The following NUP205 variants were observed in gnomAD, a reference collection of about 807,000 sequenced individuals.
The protein encoded by NUP205 is nuclear pore complex protein Nup205.
In NUP205, 76 loss-of-function variants were observed where a neutral mutation model predicts 253.8. That is an observed-to-expected ratio of 0.30 (90% confidence interval 0.25 to 0.36). The LOEUF (loss-of-function observed/expected upper bound fraction) is 0.36. NUP205 is among the 10% of genes least tolerant of loss of function. The probability of loss-of-function intolerance (pLI) is 1.00; values close to 1 mark genes in which losing one functional copy is unlikely to be tolerated. For missense variants in NUP205, 2,162 were observed against 2,425.5 expected, an observed-to-expected ratio of 0.89 and a Z score of 2.28; for synonymous variants, 832 against 850.1, an observed-to-expected ratio of 0.98 and a Z score of 0.37.
chr7:135,595,380 C>T (rs182138131), intron 13 of NUP205, among the ~76,000 whole-genome samples: 26 of 152,054 alleles, frequency 1.7e-4, no homozygotes, highest in East Asian at 1.5e-3. Flanking sequence ...TGCATTACCA[C>T]GCCCAGCTAA....
intron 1 of NUP205, among the ~76,000 whole-genome samples, chr7:135,561,615 C>T (rs13230575): frequency 0.091 from 13,903 of 152,214 alleles, 839 homozygotes; most frequent in Non-Finnish European, 0.14. Flanking sequence ...AAAATAGGAG[C>T]CAACATACAT....
At chr7:135,604,583 A>G (rs534109825) in intron 19 of NUP205, 123 bp downstream of exon 19, 3 of 944,598 alleles carry the variant, frequency 3.2e-6, no homozygotes, top group South Asian at 1.7e-5. Flanking sequence ...AAGAGTAAGT[A>G]TATTTGTATA....
At chr7:135,634,363 T>C (rs1794770411) in intron 35 of NUP205, among the ~76,000 whole-genome samples, 1 of 152,182 alleles carries the variant, frequency 6.6e-6, no homozygotes, top group South Asian at 2.1e-4. Flanking sequence ...GCAGTTGACA[T>C]GCAGGGGAAA....
intron 13 of NUP205, among the ~76,000 whole-genome samples, chr7:135,596,457 T>C (rs1793836473): frequency 6.6e-6 from 1 of 152,218 alleles, no homozygotes; most frequent in African/African-American, 2.4e-5. Flanking sequence ...CAAATGTGAT[T>C]GGGTTTAGCC....
At chr7:135,617,057 A>T (rs752463060) in intron 25 of NUP205, 33 bp from the exon 26 acceptor site, 1 of 1,525,764 alleles carries the variant, frequency 6.6e-7, no homozygotes, top group African/African-American at 1.4e-5. Flanking sequence ...TCAATGTCCC[A>T]AGTAAAATCA....
intron 13 of NUP205, 71 bp from the exon 14 acceptor site, chr7:135,597,297 A>G (rs1584662081): frequency 2.7e-6 from 3 of 1,106,134 alleles, no homozygotes; most frequent in East Asian, 4.7e-5. Context: ...TGTGACTATT[A>G]TATTGCAAAG....
chr7:135,562,860 G>A (rs965913852), intron 1 of NUP205, among the ~76,000 whole-genome samples: 2 of 152,138 alleles, frequency 1.3e-5, no homozygotes, highest in South Asian at 2.1e-4. Flanking sequence ...ATTCTTTAAC[G>A]TGGGCAAGTG....
intron 38 of NUP205, among the ~76,000 whole-genome samples, chr7:135,641,199 A>G (rs11984203): frequency 0.19 from 28,643 of 152,190 alleles, 2,796 homozygotes; most frequent in East Asian, 0.25. Context: ...TTAGTATGGT[A>G]AGAATTCCTG....
intron 1 of NUP205, among the ~76,000 whole-genome samples, chr7:135,567,955 G>T (rs552997632): frequency 8.2e-4 from 125 of 152,304 alleles, no homozygotes; most frequent in Non-Finnish European, 8.2e-4. Flanking sequence ...GCCGGGCGCC[G>T]TGGCTCATGC....
chr7:135,563,164 C>T (rs1347340279), intron 1 of NUP205, among the ~76,000 whole-genome samples: 2 of 151,984 alleles, frequency 1.3e-5, no homozygotes, highest in Admixed American at 6.6e-5. Flanking sequence ...ATCCTGACCA[C>T]AGTTGGATTT....
intron 36 of NUP205, among the ~76,000 whole-genome samples, chr7:135,636,911 C>T (rs1225114944): frequency 6.6e-6 from 1 of 152,108 alleles, no homozygotes; most frequent in Non-Finnish European, 1.5e-5. Flanking sequence ...GGGGCTGAGG[C>T]ACAAGAATTA....
chr7:135,625,690 A>G (rs1347696307), intron 32 of NUP205, among the ~76,000 whole-genome samples: 1 of 152,192 alleles, frequency 6.6e-6, no homozygotes, highest in Non-Finnish European at 1.5e-5. Flanking sequence ...GAAAATTTCC[A>G]TGTAGATATG....
At chr7:135,616,324 G>A (rs1794357628) in intron 24 of NUP205, among the ~76,000 whole-genome samples, 1 of 152,108 alleles carries the variant, frequency 6.6e-6, no homozygotes, top group Non-Finnish European at 1.5e-5. Flanking sequence ...GAGCCAGCAT[G>A]ACCTAAGCTA....
intron 12 of NUP205, 38 bp from the exon 13 acceptor site, chr7:135,594,509 A>G (rs1231760313): frequency 9.9e-6 from 15 of 1,509,282 alleles, no homozygotes; most frequent in African/African-American, 1.4e-5. Context: ...ATAACTTTTA[A>G]AAATGGAAAG....
At chr7:135,624,874 G>A (rs1794552992) in intron 31 of NUP205, among the ~76,000 whole-genome samples, 1 of 152,084 alleles carries the variant, frequency 6.6e-6, no homozygotes. Context: ...TCTCTAACAA[G>A]CAATGTTAGA....
intron 22 of NUP205, among the ~76,000 whole-genome samples, chr7:135,612,846 A>G (rs901358833): frequency 6.6e-6 from 1 of 152,242 alleles, no homozygotes; most frequent in African/African-American, 2.4e-5. Context: ...ACAAGTAGTC[A>G]TAACAATTAT....
intron 7 of NUP205, among the ~76,000 whole-genome samples, chr7:135,582,032 T>C (rs999811295): frequency 6.6e-6 from 1 of 152,220 alleles, no homozygotes; most frequent in Non-Finnish European, 1.5e-5. Context: ...ATGCCTGTAA[T>C]GTCAGTGCTT....
At chr7:135,627,349 A>G (rs936122099) in intron 33 of NUP205, among the ~76,000 whole-genome samples, 3 of 152,236 alleles carry the variant, frequency 2.0e-5, no homozygotes, top group African/African-American at 4.8e-5. Flanking sequence ...GAGCTTCTCT[A>G]ATCTGAAAAT....
intron 7 of NUP205, among the ~76,000 whole-genome samples, chr7:135,581,000 A>G (rs543666146): frequency 3.9e-5 from 6 of 152,250 alleles, no homozygotes; most frequent in African/African-American, 1.4e-4. Flanking sequence ...TTATATGCTC[A>G]TATCCTTTTA....
Sources: gnomAD v4.1 joint callset for allele counts (sites outside exome capture counted in the v4.1 genomes callset) on GRCh38, gnomAD v4.1.1 for gene constraint, MANE v1.5 for transcripts, NCBI Gene and HGNC (gene_info 2026-07-23, HGNC 2026-07-21) for gene names.